The following PDE8A variants were observed in gnomAD, a reference collection of about 807,000 sequenced individuals.
The protein encoded by PDE8A is high affinity cAMP-specific and IBMX-insensitive 3',5'-cyclic phosphodiesterase 8A.
PDE8A carries 59 observed loss-of-function variants against 105.0 expected under a neutral mutation model. That is an observed-to-expected ratio of 0.56 (90% CI 0.46 to 0.70). PDE8A has a LOEUF of 0.70. Ranked by LOEUF, PDE8A falls within the 30% of genes least tolerant of loss-of-function variation. The pLI, the probability that PDE8A is intolerant of heterozygous loss-of-function variation, is 0.00. For missense variants in PDE8A, 1,014 were observed against 1,045.9 expected (o/e 0.97, Z 0.42); for synonymous variants, 355 against 371.9 (o/e 0.95, Z 0.52).
chr15:85,039,512 A>G (rs1057065643), intron 1 of PDE8A, among the ~76,000 whole-genome samples: 2 of 152,170 alleles, frequency 1.3e-5, no homozygotes, highest in African/African-American at 4.8e-5. Context: ...AGTATTGTAA[A>G]TATATACAGT....
At chr15:85,018,114 A>G (rs2080359452) in intron 1 of PDE8A, among the ~76,000 whole-genome samples, 1 of 152,158 alleles carries the variant, frequency 6.6e-6, no homozygotes, top group Non-Finnish European at 1.5e-5. Context: ...AGAGCAACAG[A>G]AGTGGCAGTA....
intron 20 of PDE8A, among the ~76,000 whole-genome samples, chr15:85,127,386 T>C (rs2141638624): frequency 6.6e-6 from 1 of 152,324 alleles, no homozygotes; most frequent in Non-Finnish European, 1.5e-5. Context: ...CATTTGCTTC[T>C]GTTTGCAGAT....
intron 8 of PDE8A, among the ~76,000 whole-genome samples, chr15:85,094,824 A>G (rs1024866155): frequency 6.6e-6 from 1 of 151,986 alleles, no homozygotes; most frequent in African/African-American, 2.4e-5. Context: ...CTTGTCCGGA[A>G]TCCTCCATCT....
rs371166376 is a variant in PDE8A, at chr15:85,075,980, A to G, written c.491+62A>G. The G allele has an allele frequency of 1.2e-4, 107 of 859,352 alleles. No homozygotes were observed. The African/African-American group carries it at 1.8e-3, about 14-fold the overall frequency. 53.2% of individuals were successfully genotyped at this position (859,352 alleles called of 1,614,324 possible). On this transcript the variant is annotated intron_variant, in intron 4 of 21. Transcript: ENST00000394553. ...CCAGTGTAATACTTGCTCTTAACAG[A>G]TGGCCAAATAACAGCTTGCATGCTG...
chr15:85,010,952 A>G (rs1408294719), intron 1 of PDE8A, among the ~76,000 whole-genome samples: 1 of 152,152 alleles, frequency 6.6e-6, no homozygotes, highest in Non-Finnish European at 1.5e-5. Context: ...TTCTCATGAC[A>G]ATCCTAAGGT....
intron 8 of PDE8A, among the ~76,000 whole-genome samples, chr15:85,092,984 C>T (rs1596510672): frequency 6.7e-6 from 1 of 149,788 alleles, no homozygotes; most frequent in Non-Finnish European, 1.5e-5. Flanking sequence ...TGCAGAGGTG[C>T]AACAGCCTTG....
intron 8 of PDE8A, among the ~76,000 whole-genome samples, chr15:85,094,855 T>C (rs560515079): frequency 2.0e-5 from 3 of 152,270 alleles, no homozygotes; most frequent in South Asian, 4.1e-4. Context: ...CACCATACAC[T>C]ACTGCCTGAT....
intron 9 of PDE8A, chr15:85,099,695 A>C (rs2081825272): frequency 3.2e-6 from 1 of 310,528 alleles, no homozygotes; most frequent in Middle Eastern, 9.9e-4. Context: ...GGGTTGTGAA[A>C]ATAAAAACAT....
intron 1 of PDE8A, among the ~76,000 whole-genome samples, chr15:85,014,452 T>G (rs1282424158): frequency 1.3e-5 from 2 of 152,222 alleles, no homozygotes; most frequent in Non-Finnish European, 2.9e-5. Flanking sequence ...AAAGTTTGAA[T>G]AGCATAGGCA....
At chr15:85,022,843 G>A (rs569096602) in intron 1 of PDE8A, among the ~76,000 whole-genome samples, 62 of 152,116 alleles carry the variant, frequency 4.1e-4, no homozygotes, top group African/African-American at 1.3e-3. Context: ...GTGAGCCACC[G>A]GACCTAGCCA....
chr15:85,018,580 C>T (rs1325736667), intron 1 of PDE8A, among the ~76,000 whole-genome samples: 3 of 152,054 alleles, frequency 2.0e-5, no homozygotes, highest in Non-Finnish European at 4.4e-5. Flanking sequence ...GTAACATTGC[C>T]ATGAAATGCT....
At chr15:85,007,576 C>G (rs1342205338) in intron 1 of PDE8A, among the ~76,000 whole-genome samples, 1 of 151,760 alleles carries the variant, frequency 6.6e-6, no homozygotes, top group African/African-American at 2.4e-5. Context: ...CTTCGGTGCC[C>G]CACCACATTG....
At chr15:85,039,092 G>T (rs994124164) in intron 1 of PDE8A, among the ~76,000 whole-genome samples, 1 of 149,300 alleles carries the variant, frequency 6.7e-6, no homozygotes, top group Non-Finnish European at 1.5e-5. Context: ...TTGCACTCCA[G>T]CCTTAGTAAC....
chr15:85,069,588 G>A (rs994128290), intron 3 of PDE8A, among the ~76,000 whole-genome samples: 5 of 152,096 alleles, frequency 3.3e-5, no homozygotes, highest in East Asian at 1.9e-4. Flanking sequence ...ACCACATCAA[G>A]GGTGCTTCCC....
intron 11 of PDE8A, among the ~76,000 whole-genome samples, chr15:85,107,423 C>T (rs2081962857): frequency 1.3e-5 from 2 of 152,240 alleles, no homozygotes; most frequent in South Asian, 4.2e-4. Context: ...CGCTTGGCTG[C>T]CTGCAGAGAA....
intron 1 of PDE8A, among the ~76,000 whole-genome samples, chr15:85,002,161 C>G (rs1412203843): frequency 6.6e-6 from 1 of 151,534 alleles, no homozygotes; most frequent in Non-Finnish European, 1.5e-5. Flanking sequence ...TAGTGTAGAC[C>G]CCCCAGGTTA....
intron 19 of PDE8A, 114 bp downstream of exon 19, chr15:85,123,307 T>G: frequency 1.2e-6 from 1 of 837,610 alleles, no homozygotes; most frequent in South Asian, 1.5e-5. Flanking sequence ...GTGAGTCTAT[T>G]AGACTCTTAC....
chr15:84,995,822 A>G (rs754917773), intron 1 of PDE8A, among the ~76,000 whole-genome samples: 12 of 152,228 alleles, frequency 7.9e-5, no homozygotes, highest in Admixed American at 4.6e-4. Context: ...GGCATGCACT[A>G]CTTTACCCTG....
chr15:85,120,861 AC>A lies in PDE8A; in HGVS notation c.1802del (p.Pro601LeufsTer36). The A allele has an allele frequency of 6.2e-7, 1 of 1,614,022 alleles. No homozygotes were observed. The highest frequency in any genetic ancestry group is 8.5e-7 in the Non-Finnish European group (1 of 1,179,840). On this transcript the variant is annotated frameshift_variant, in exon 18 of 22. Transcript: ENST00000394553. LOFTEE classifies it high-confidence loss of function. The part of the protein sequence containing the change: ...LIAATIHDVD[H>X]PGRTNSFLCN... Reference sequence around the variant, plus strand: ...GCAGCCACCATTCATGATGTGGATCACCCTGGGAGAACCAACTCCTTCCTGT... The same window carrying A: ...GCAGCCACCATTCATGATGTGGATCACCTGGGAGAACCAACTCCTTCCTGT...
Sources: allele counts gnomAD v4.1 joint callset (sites outside exome capture counted in the v4.1 genomes callset), GRCh38; gene constraint gnomAD v4.1.1; transcripts MANE v1.5; gene names NCBI Gene and HGNC (gene_info 2026-07-23, HGNC 2026-07-21).